RAD51B: variants seen among roughly 807,000 people sequenced by gnomAD.
RAD51B encodes DNA repair protein RAD51 homolog 2.
A neutral mutation model predicts 42.2 loss-of-function variants in RAD51B; 38 were observed. That is an observed-to-expected ratio of 0.90 (90% CI 0.70 to 1.18). RAD51B has a LOEUF of 1.18. Among genes scored for constraint, RAD51B ranks in the 50% most tolerant of loss-of-function variants. The pLI, the probability that RAD51B is intolerant of heterozygous loss-of-function variation, is 0.00. For synonymous variants in RAD51B, 154 were observed against 145.2 expected (o/e 1.06, Z -0.43); for missense variants, 373 against 400.7 (o/e 0.93, Z 0.59).
intron 7 of RAD51B, among the ~76,000 whole-genome samples, chr14:67,949,732 A>G (rs546472668): frequency 1.3e-5 from 2 of 152,314 alleles, no homozygotes; most frequent in South Asian, 4.1e-4. Context: ...GCATTACGAA[A>G]TGTATGTCTT....
intron 7 of RAD51B, among the ~76,000 whole-genome samples, chr14:68,059,253 G>T (rs145765196): frequency 1.3e-5 from 2 of 151,956 alleles, no homozygotes; most frequent in East Asian, 1.9e-4. Flanking sequence ...CTAATCTTCC[G>T]TTAAAAAAAT....
chr14:67,833,173 C>T (rs1039353354), intron 3 of RAD51B, among the ~76,000 whole-genome samples: 4 of 151,982 alleles, frequency 2.6e-5, no homozygotes, highest in Non-Finnish European at 5.9e-5. Flanking sequence ...GGCAGGAGTT[C>T]GAGACCAGCC....
intron 7 of RAD51B, among the ~76,000 whole-genome samples, chr14:68,134,372 C>T (rs574738244): frequency 6.6e-6 from 1 of 152,168 alleles, no homozygotes; most frequent in African/African-American, 2.4e-5. Flanking sequence ...GGATAGTTTT[C>T]AGTTTGGGAC....
At chr14:68,298,991 G>A (rs1032879164) in intron 8 of RAD51B, among the ~76,000 whole-genome samples, 7 of 152,034 alleles carry the variant, frequency 4.6e-5, no homozygotes, top group African/African-American at 1.7e-4. Flanking sequence ...TCTAGCCCAA[G>A]GAGGGTCCAG....
chr14:68,141,883 C>T (rs1053044747), intron 7 of RAD51B, among the ~76,000 whole-genome samples: 4 of 152,126 alleles, frequency 2.6e-5, no homozygotes, highest in African/African-American at 7.2e-5. Flanking sequence ...CTTCCTAGAC[C>T]TTCCCAGGCT....
intron 3 of RAD51B, among the ~76,000 whole-genome samples, chr14:67,831,196 G>A (rs1255739373): frequency 6.6e-6 from 1 of 152,042 alleles, no homozygotes; most frequent in Non-Finnish European, 1.5e-5. Context: ...AATTTAAGAT[G>A]TTTATAAAAC....
At chr14:68,405,310 G>A (rs922642214) in intron 8 of RAD51B, among the ~76,000 whole-genome samples, 4 of 152,142 alleles carry the variant, frequency 2.6e-5, no homozygotes, top group Non-Finnish European at 5.9e-5. Context: ...CAATCATTGT[G>A]GCATGTGCCT....
chr14:68,091,541 A>T (rs2077099431), intron 7 of RAD51B, among the ~76,000 whole-genome samples: 1 of 151,784 alleles, frequency 6.6e-6, no homozygotes, highest in African/African-American at 2.4e-5. Flanking sequence ...CCACTTTTTG[A>T]TGGGGTTATT....
At chr14:67,910,995 T>A (rs1259725096) in intron 7 of RAD51B, among the ~76,000 whole-genome samples, 1 of 152,002 alleles carries the variant, frequency 6.6e-6, no homozygotes, top group Non-Finnish European at 1.5e-5. Flanking sequence ...TATATGTATT[T>A]TTAGTAAAGA....
chr14:68,462,682 A>G (rs1391193960), intron 9 of RAD51B, among the ~76,000 whole-genome samples: 1 of 152,194 alleles, frequency 6.6e-6, no homozygotes, highest in East Asian at 1.9e-4. Context: ...CGACACCTCC[A>G]AAGAATTTTA....
chr14:68,253,271 G>A (rs1399543394), intron 7 of RAD51B, among the ~76,000 whole-genome samples: 1 of 151,902 alleles, frequency 6.6e-6, no homozygotes, highest in Non-Finnish European at 1.5e-5. Context: ...TTGGTATCAT[G>A]CCATCTGTAG....
chr14:68,626,950 T>A (rs1892097502), intron 10 of RAD51B, among the ~76,000 whole-genome samples: 1 of 152,124 alleles, frequency 6.6e-6, no homozygotes, highest in Non-Finnish European at 1.5e-5. Context: ...AACTCTCAAC[T>A]GGGAAAGGAA....
At chr14:68,418,147 A>T (rs547799357) in intron 9 of RAD51B, among the ~76,000 whole-genome samples, 35 of 152,236 alleles carry the variant, frequency 2.3e-4, no homozygotes, top group Non-Finnish European at 2.9e-5. Flanking sequence ...ATCATTTTTT[A>T]TCAAATATAG....
chr14:68,085,382 G>T (rs1329164476), intron 7 of RAD51B, among the ~76,000 whole-genome samples: 2 of 152,100 alleles, frequency 1.3e-5, no homozygotes, highest in Non-Finnish European at 2.9e-5. Context: ...ATAGAGAAGA[G>T]GGCCTAGTAT....
chr14:68,167,391 A>G (rs1178742883), intron 7 of RAD51B, among the ~76,000 whole-genome samples: 1 of 152,180 alleles, frequency 6.6e-6, no homozygotes, highest in Non-Finnish European at 1.5e-5. Flanking sequence ...CATACCCTGT[A>G]TATACTTCTT....
intron 7 of RAD51B, among the ~76,000 whole-genome samples, chr14:68,054,845 C>T (rs984177703): frequency 4.6e-5 from 7 of 152,060 alleles, no homozygotes; most frequent in African/African-American, 1.4e-4. Context: ...TGGTGGGGGG[C>T]GGTTGGTCTT....
intron 7 of RAD51B, among the ~76,000 whole-genome samples, chr14:68,139,607 G>A (rs920225415): frequency 6.6e-6 from 1 of 152,202 alleles, no homozygotes; most frequent in Non-Finnish European, 1.5e-5. Flanking sequence ...CACTCCCACT[G>A]CCTCACTCTT....
At chr14:67,966,074 A>G (rs2074771808) in intron 7 of RAD51B, among the ~76,000 whole-genome samples, 1 of 152,216 alleles carries the variant, frequency 6.6e-6, no homozygotes, top group African/African-American at 2.4e-5. Context: ...TAGCTAAAGG[A>G]TAGAGGGAAA....
At position 68,375,463 on chromosome 14, in the gene RAD51B, A is replaced by G. The variant is rs184994072; in HGVS notation, c.854-35961A>G. ...TATGCAGCGTCCTCTGCCTCATGTCATTCTCCAATATGCTTTCTCAGGGCT... is the reference window on the plus strand; with the variant it reads ...TATGCAGCGTCCTCTGCCTCATGTCGTTCTCCAATATGCTTTCTCAGGGCT... On this transcript the variant is annotated intron_variant, in intron 8 of 10. Coordinates refer to ENST00000471583, the MANE Select transcript of RAD51B (RefSeq NM_133510.4). 2.5e-3 allele frequency among the ~76,000 whole-genome samples: 385 copies of G among 152,224 alleles called. 3 individuals carry two copies. The highest frequency in any genetic ancestry group is 8.9e-3 in the African/African-American group (368 of 41,526).
Sources: gnomAD v4.1 joint callset for allele counts (sites outside exome capture counted in the v4.1 genomes callset) on GRCh38, gnomAD v4.1.1 for gene constraint, MANE v1.5 for transcripts, NCBI Gene and HGNC (gene_info 2026-07-23, HGNC 2026-07-21) for gene names.